Variants in DCC observed in about 807,000 individuals in gnomAD.
DCC encodes DCC netrin 1 receptor, also known as netrin receptor DCC.
A neutral mutation model predicts 172.5 loss-of-function variants in DCC; 58 were observed. That is an observed-to-expected ratio of 0.34 (90% CI 0.27 to 0.42). DCC has a LOEUF of 0.42. Ranked by LOEUF, DCC falls within the 10% of genes least tolerant of loss-of-function variation. The probability of loss-of-function intolerance (pLI) is 1.00; values close to 1 mark genes in which losing one functional copy is unlikely to be tolerated. For missense variants in DCC, 1,740 were observed against 1,791.0 expected, an observed-to-expected ratio of 0.97 and a Z score of 0.51; for synonymous variants, 709 against 644.5, an observed-to-expected ratio of 1.10 and a Z score of -1.52.
At chr18:53,175,655 C>T (rs1293029564) in intron 8 of DCC, among the ~76,000 whole-genome samples, 2 of 151,976 alleles carry the variant, frequency 1.3e-5, no homozygotes, top group South Asian at 2.1e-4. Flanking sequence ...GAACTACAAA[C>T]CACTGCTCAA....
intron 5 of DCC, among the ~76,000 whole-genome samples, chr18:52,982,884 A>G (rs1413194624): frequency 6.6e-6 from 1 of 152,170 alleles, no homozygotes; most frequent in Admixed American, 6.6e-5. Flanking sequence ...GCTTTCTCCA[A>G]TGACACATCC....
intron 21 of DCC, among the ~76,000 whole-genome samples, chr18:53,434,278 G>A (rs1280328928): frequency 6.6e-6 from 1 of 152,024 alleles, no homozygotes; most frequent in East Asian, 1.9e-4. Flanking sequence ...CTATACTCTG[G>A]TCTTTGTTTG....
intron 18 of DCC, among the ~76,000 whole-genome samples, chr18:53,397,781 C>A (rs1909048074): frequency 6.6e-6 from 1 of 152,010 alleles, no homozygotes. Context: ...ACAGTTGTGT[C>A]TTTGAACAAT....
At chr18:52,835,803 A>G (rs1177980287) in intron 2 of DCC, among the ~76,000 whole-genome samples, 1 of 152,226 alleles carries the variant, frequency 6.6e-6, no homozygotes. Flanking sequence ...TTTGATACGC[A>G]TTTTATTTTT....
intron 15 of DCC, among the ~76,000 whole-genome samples, chr18:53,385,773 C>T (rs1908120853): frequency 6.6e-6 from 1 of 152,112 alleles, no homozygotes; most frequent in South Asian, 2.1e-4. Flanking sequence ...TTCGAGGGCA[C>T]ACATCATCAC....
intron 15 of DCC, among the ~76,000 whole-genome samples, chr18:53,361,345 T>A (rs528563453): frequency 9.9e-5 from 15 of 152,130 alleles, no homozygotes; most frequent in Non-Finnish European, 2.1e-4. Context: ...GTTGTTGGAC[T>A]TTCCCCCCCA....
At chr18:52,769,774 C>T (rs1447358656) in intron 2 of DCC, among the ~76,000 whole-genome samples, 2 of 152,134 alleles carry the variant, frequency 1.3e-5, no homozygotes, top group Non-Finnish European at 2.9e-5. Context: ...TATGTAAGGT[C>T]TGTGTCTAGA....
At chr18:53,373,578 T>C (rs2058081108) in intron 15 of DCC, among the ~76,000 whole-genome samples, 1 of 152,200 alleles carries the variant, frequency 6.6e-6, no homozygotes, top group Admixed American at 6.5e-5. Context: ...CATTTCATCA[T>C]GTTTTATTAA....
chr18:52,479,830 C>G (rs188924627), intron 1 of DCC, among the ~76,000 whole-genome samples: 2 of 152,062 alleles, frequency 1.3e-5, no homozygotes, highest in East Asian at 3.9e-4. Flanking sequence ...CTTTTTTTCT[C>G]TCTCGTGGGT....
At position 52,950,623 on chromosome 18, in the gene DCC, G is replaced by C. The variant is rs550632673; in HGVS notation, c.985+25253G>C. Among the ~76,000 whole-genome samples, 13 of 152,190 alleles carry C rather than the reference G, an allele frequency of 8.5e-5. No homozygotes were observed. The East Asian group carries it at 2.3e-3, about 27-fold the overall frequency. Reference sequence around the variant, plus strand: ...CCTATCTTTTACCTTATGGATATGGGCATATCAAGACTGAATATAGGCTGG... The same window carrying C: ...CCTATCTTTTACCTTATGGATATGGCCATATCAAGACTGAATATAGGCTGG... On this transcript the variant is annotated intron_variant, in intron 5 of 28. Coordinates refer to ENST00000442544, the MANE Select transcript of DCC (RefSeq NM_005215.4).
rs2056726148 is a variant in DCC, at chr18:53,269,685, A to G, written c.1912-35893A>G. Among the ~76,000 whole-genome samples, 2 of 152,136 alleles carry G rather than the reference A, an allele frequency of 1.3e-5. 1 individual carries two copies. The highest frequency in any genetic ancestry group is 2.9e-5 in the Non-Finnish European group (2 of 68,018). On this transcript the variant is annotated intron_variant, in intron 12 of 28. Coordinates refer to ENST00000442544, the MANE Select transcript of DCC (RefSeq NM_005215.4). ...CTGATAGCTCCATGTGGTCAAGACTATTATTGAACCCTTTTGGTAGACAAG... is the reference window on the plus strand; with the variant it reads ...CTGATAGCTCCATGTGGTCAAGACTGTTATTGAACCCTTTTGGTAGACAAG...
chr18:52,385,366 C>T (rs1447939589), intron 1 of DCC, among the ~76,000 whole-genome samples: 1 of 151,588 alleles, frequency 6.6e-6, no homozygotes, highest in Non-Finnish European at 1.5e-5. Flanking sequence ...ACCTCTGCCT[C>T]CAGGTTTTAA....
intron 14 of DCC, among the ~76,000 whole-genome samples, chr18:53,334,874 G>T (rs2057574205): frequency 6.6e-6 from 1 of 152,098 alleles, no homozygotes. Flanking sequence ...TTTGGCTATT[G>T]TAAATGATGC....
intron 18 of DCC, among the ~76,000 whole-genome samples, chr18:53,398,351 GA>G (rs1393353110): frequency 6.6e-6 from 1 of 151,916 alleles, no homozygotes; most frequent in Non-Finnish European, 1.5e-5. Context: ...CATATCTGTG[GA>G]TACTTCTTTC....
intron 17 of DCC, among the ~76,000 whole-genome samples, chr18:53,393,578 A>C (rs1208729825): frequency 6.6e-6 from 1 of 152,246 alleles, no homozygotes; most frequent in Non-Finnish European, 1.5e-5. Flanking sequence ...GTTTACTTTT[A>C]GAAGGCTACT....
intron 1 of DCC, among the ~76,000 whole-genome samples, chr18:52,523,719 G>T (rs918997672): frequency 4.6e-5 from 7 of 152,172 alleles, no homozygotes; most frequent in Admixed American, 3.9e-4. Context: ...TGTGAATTAT[G>T]CATTAACATA....
chr18:52,856,750 G>GT (rs1233948061), intron 2 of DCC, among the ~76,000 whole-genome samples: 1 of 151,766 alleles, frequency 6.6e-6, no homozygotes, highest in Non-Finnish European at 1.5e-5. Flanking sequence ...TGAAACGTCT[G>GT]TTTTTTGAAA....
At chr18:52,480,129 G>A (rs2144580673) in intron 1 of DCC, among the ~76,000 whole-genome samples, 1 of 152,242 alleles carries the variant, frequency 6.6e-6, no homozygotes, top group African/African-American at 2.4e-5. Flanking sequence ...TTGGAACTGG[G>A]TTAGCTTAAA....
intron 1 of DCC, among the ~76,000 whole-genome samples, chr18:52,739,523 G>A (rs547165104): frequency 1.1e-4 from 16 of 152,268 alleles, no homozygotes; most frequent in African/African-American, 3.4e-4. Flanking sequence ...AGAGCCACAA[G>A]AGAGGTACAA....
Sources: gnomAD v4.1 joint callset for allele counts (sites outside exome capture counted in the v4.1 genomes callset) on GRCh38, gnomAD v4.1.1 for gene constraint, MANE v1.5 for transcripts, NCBI Gene and HGNC (gene_info 2026-07-23, HGNC 2026-07-21) for gene names.